The following ORC5 variants were observed in gnomAD, a reference collection of about 807,000 sequenced individuals.
ORC5 encodes protein phosphatase 1, regulatory subunit 117.
Under a neutral mutation model 58.8 loss-of-function variants are expected in ORC5, and 39 were observed. That is an observed-to-expected ratio of 0.66 (90% CI 0.51 to 0.87). ORC5 has a LOEUF of 0.87. ORC5 is among the 40% of genes least tolerant of loss of function. The pLI, the probability that ORC5 is intolerant of heterozygous loss-of-function variation, is 0.00. For synonymous variants in ORC5, 218 were observed against 177.6 expected (o/e 1.23, Z -1.81); for missense variants, 493 against 506.3 (o/e 0.97, Z 0.25).
intron 8 of ORC5, among the ~76,000 whole-genome samples, chr7:104,177,575 TTTTAC>T (rs1280415081): frequency 4.6e-5 from 7 of 152,176 alleles, no homozygotes; most frequent in South Asian, 2.1e-4. Flanking sequence ...TTTTTTTAAA[TTTTAC>T]TTTAAGTTCT....
intron 1 of ORC5, among the ~76,000 whole-genome samples, chr7:104,205,568 C>T (rs537496148): frequency 5.3e-5 from 8 of 152,132 alleles, no homozygotes; most frequent in South Asian, 2.1e-4. Context: ...CTCAGATTTA[C>T]GCAGGAAAAA....
intron 8 of ORC5, among the ~76,000 whole-genome samples, chr7:104,180,700 A>G (rs1005018404): frequency 6.6e-6 from 1 of 152,202 alleles, no homozygotes; most frequent in Admixed American, 6.5e-5. Flanking sequence ...ATTGTGTAAG[A>G]AGCATTGCCA....
intron 5 of ORC5, among the ~76,000 whole-genome samples, chr7:104,191,827 C>T (rs1172097946): frequency 1.3e-5 from 2 of 152,078 alleles, no homozygotes; most frequent in Non-Finnish European, 1.5e-5. Flanking sequence ...TAAAATTTCA[C>T]TATCCAAGTA....
intron 2 of ORC5, chr7:104,202,485 C>T (rs776275655): frequency 2.9e-5 from 13 of 454,862 alleles, no homozygotes; most frequent in Admixed American, 7.1e-5. Flanking sequence ...GTCTTGCTTA[C>T]GGCATTTGTA....
At chr7:104,182,332 A>G (rs1342776899) in intron 8 of ORC5, among the ~76,000 whole-genome samples, 1 of 152,098 alleles carries the variant, frequency 6.6e-6, no homozygotes, top group African/African-American at 2.4e-5. Flanking sequence ...TTAGAACAAG[A>G]CTCCACATCA....
intron 8 of ORC5, among the ~76,000 whole-genome samples, chr7:104,179,196 G>C (rs1799384870): frequency 1.3e-5 from 2 of 149,224 alleles, no homozygotes; most frequent in East Asian, 2.0e-4. Flanking sequence ...CAATTGTCCT[G>C]CCTTGGCCTC....
Position 104,200,936 on chromosome 7 carries a change from C to T in ORC5, c.188G>A (p.Cys63Tyr). Residue 63 changes from cysteine (C) to tyrosine (Y), a missense_variant, in exon 3 of 14, where the codon TGT (cysteine) becomes TAT (tyrosine). Transcript: ENST00000297431. ...CAGCCTCAATGTAAAGCATTCAACA[C>T]AATTCACAAACACATGTGGGAGCTG... ...TLELPHVFVN[C>Y]VECFTLRLLL... 1.2e-6 allele frequency: 2 copies of T among 1,613,244 alleles called. No individual in the cohort carries two copies. The highest frequency in any genetic ancestry group is 8.5e-7 in the Non-Finnish European group (1 of 1,179,430).
intron 4 of ORC5, among the ~76,000 whole-genome samples, chr7:104,197,171 T>C (rs537695433): frequency 1.3e-5 from 2 of 152,330 alleles, no homozygotes; most frequent in South Asian, 2.1e-4. Context: ...AACAATGTTA[T>C]AATGAAATGA....
intron 5 of ORC5, among the ~76,000 whole-genome samples, chr7:104,189,798 A>T (rs1415222554): frequency 6.6e-6 from 1 of 152,176 alleles, no homozygotes; most frequent in Non-Finnish European, 1.5e-5. Context: ...GAGTAAGTAC[A>T]GTGTTTCCTT....
At chr7:104,131,806 C>T (rs990651270) in intron 13 of ORC5, among the ~76,000 whole-genome samples, 9 of 150,120 alleles carry the variant, frequency 6.0e-5, no homozygotes, top group African/African-American at 1.7e-4. Flanking sequence ...GAGCCGAGAT[C>T]GTGCCACTGC....
At chr7:104,185,901 A>T (rs1799533267) in intron 6 of ORC5, among the ~76,000 whole-genome samples, 1 of 152,090 alleles carries the variant, frequency 6.6e-6, no homozygotes, top group Non-Finnish European at 1.5e-5. Flanking sequence ...ACATATAACT[A>T]GATAACAGAA....
chr7:104,172,941 T>C (rs374891197), intron 8 of ORC5, among the ~76,000 whole-genome samples: 1 of 149,002 alleles, frequency 6.7e-6, no homozygotes, highest in East Asian at 2.0e-4. Flanking sequence ...CTAGCATAAA[T>C]ATGGCAAAGC....
At chr7:104,184,055 T>G (rs775054447) in intron 7 of ORC5, 22 bp from the exon 8 acceptor site, 1 of 1,600,142 alleles carries the variant, frequency 6.2e-7, no homozygotes, top group Admixed American at 1.7e-5. Context: ...GGAAGAAAAT[T>G]TCAGTAATTT....
Position 104,188,301 on chromosome 7 carries a change from G to A in ORC5, c.634C>T (p.Leu212Phe). ...DFYAAYINIL[L>F]GVFYTVCRDL... The stretch of plus-strand genomic sequence containing the variant: ...CGACAAACAGTGTAGAAAACTCCAA[G>A]AAGAATGTTAATGTAGGCAGCATAG... Residue 212 changes from leucine to phenylalanine, a missense_variant, in exon 6 of 14, where the codon CTT (leucine) becomes TTT (phenylalanine). This residue lies in a region of ORC5 where 412 missense variants were observed against 403.7 expected (regional missense o/e 1.02). Coordinates refer to ENST00000297431, the MANE Select transcript of ORC5 (RefSeq NM_002553.4). 1.9e-6 allele frequency: 3 copies of A among 1,612,828 alleles called. No homozygotes were observed. Among genetic ancestry groups the A allele is most frequent in the Non-Finnish European group, 2.5e-6 (3 of 1,179,354 alleles).
At chr7:104,198,436 C>G (rs917043823) in intron 3 of ORC5, among the ~76,000 whole-genome samples, 2 of 152,138 alleles carry the variant, frequency 1.3e-5, no homozygotes, top group African/African-American at 4.8e-5. Flanking sequence ...TATGCTCTAG[C>G]AAAGAGAAGG....
At chr7:104,169,237 C>G (rs1344531861) in intron 8 of ORC5, among the ~76,000 whole-genome samples, 1 of 152,124 alleles carries the variant, frequency 6.6e-6, no homozygotes, top group Non-Finnish European at 1.5e-5. Flanking sequence ...AAAACTGAGG[C>G]TCAAAGATTA....
chr7:104,185,433 A>T (rs1187881158), intron 6 of ORC5, among the ~76,000 whole-genome samples: 1 of 152,204 alleles, frequency 6.6e-6, no homozygotes, highest in Admixed American at 6.5e-5. Context: ...CATAAAACAT[A>T]TAATGAAAAA....
chr7:104,155,742 T>C (rs1346485549), intron 12 of ORC5, among the ~76,000 whole-genome samples: 1 of 151,628 alleles, frequency 6.6e-6, no homozygotes, highest in Admixed American at 6.6e-5. Context: ...GTGGTATCTC[T>C]GATAATCTTA....
chr7:104,179,049 G>A (rs1289354348), intron 8 of ORC5, among the ~76,000 whole-genome samples: 1 of 151,586 alleles, frequency 6.6e-6, no homozygotes, highest in Admixed American at 6.6e-5. Context: ...AGACACAGAT[G>A]TGCAAAGTTA....
Sources: gnomAD v4.1 joint callset for allele counts (sites outside exome capture counted in the v4.1 genomes callset) on GRCh38, gnomAD v4.1.1 for gene constraint, gnomAD v4.1.1 regional missense constraint, MANE v1.5 for transcripts, NCBI Gene and HGNC (gene_info 2026-07-23, HGNC 2026-07-21) for gene names.